TRMT11: variants seen among roughly 807,000 people sequenced by gnomAD.
TRMT11 encodes tRNA methyltransferase 11.
In TRMT11, 53 loss-of-function variants were observed where a neutral mutation model predicts 62.8. That is an observed-to-expected ratio of 0.84 (90% confidence interval 0.68 to 1.06). The LOEUF (loss-of-function observed/expected upper bound fraction) is 1.06, where lower values mean the gene tolerates loss of function less well. Among genes scored for constraint, TRMT11 ranks in the 50% least tolerant of loss-of-function variants. The probability of loss-of-function intolerance (pLI) is 0.00; values close to 1 mark genes in which losing one functional copy is unlikely to be tolerated. For missense variants in TRMT11, 556 were observed against 553.4 expected (o/e 1.00, Z -0.05); for synonymous variants, 188 against 190.3 (o/e 0.99, Z 0.10).
At chr6:126,099,285 C>T (rs1344601180) in intron 17 of TRMT11, among the ~76,000 whole-genome samples, 2 of 152,218 alleles carry the variant, frequency 1.3e-5, no homozygotes, top group Non-Finnish European at 2.9e-5. Context: ...TTTGCTTTCA[C>T]TTACACATTC....
intron 8 of TRMT11, among the ~76,000 whole-genome samples, chr6:126,009,832 A>G (rs1031423603): frequency 6.6e-6 from 1 of 152,074 alleles, no homozygotes; most frequent in Non-Finnish European, 1.5e-5. Context: ...TATATAATTT[A>G]CTTGAATTTT....
intron 17 of TRMT11, among the ~76,000 whole-genome samples, chr6:126,054,717 G>A (rs749997948): frequency 2.0e-5 from 3 of 152,166 alleles, no homozygotes; most frequent in Non-Finnish European, 2.9e-5. Context: ...TTAAAATCTG[G>A]TGATATACAT....
chr6:126,118,169 C>G (rs1322062053), intron 21 of TRMT11, among the ~76,000 whole-genome samples: 3 of 152,108 alleles, frequency 2.0e-5, no homozygotes, highest in Non-Finnish European at 4.4e-5. Context: ...GATGCAGCAG[C>G]TGTAGCACCT....
rs1176034739 is a variant in TRMT11, at chr6:126,038,788, T to C, written c.1344T>C (p.Ser448=). 8.1e-6 allele frequency: 13 copies of C among 1,606,104 alleles called. No homozygotes were observed. The East Asian group carries it at 1.8e-4, about 22-fold the overall frequency. ...ATTCCTTCCGTGAGAAATATTTTAG[T>C]GGGGTAACAAAAAGAATTGCCAAGG... ...GHNSFREKYF[S]GVTKRIAKEE... Residue 448 remains serine, a synonymous_variant, in exon 13 of 13, where the codon AGT becomes AGC. Coordinates refer to ENST00000334379, the MANE Select transcript of TRMT11 (RefSeq NM_001031712.3).
At chr6:126,128,782 T>C (rs1327742221) in intron 21 of TRMT11, among the ~76,000 whole-genome samples, 1 of 152,100 alleles carries the variant, frequency 6.6e-6, no homozygotes, top group Admixed American at 6.6e-5. Context: ...ATATCCCATG[T>C]GATATTGTGA....
intron 1 of TRMT11, among the ~76,000 whole-genome samples, chr6:126,182,958 G>C (rs866702630): frequency 1.6e-4 from 24 of 151,970 alleles, no homozygotes; most frequent in African/African-American, 5.3e-4. Context: ...ATTTCAACTG[G>C]GGCTGTTGGA....
intron 12 of TRMT11, 95 bp downstream of exon 12, chr6:126,021,375 T>C: frequency 7.1e-7 from 1 of 1,401,506 alleles, no homozygotes; most frequent in Non-Finnish European, 9.7e-7. Flanking sequence ...GAAATGTTAT[T>C]CCTTGATATT....
chr6:126,248,166 T>G, the TRMT11 span, among the ~76,000 whole-genome samples: 1 of 152,120 alleles, frequency 6.6e-6, no homozygotes, highest in African/African-American at 2.4e-5. Context: ...TAGAAAATGT[T>G]ACTACTCATT....
At chr6:126,055,321 A>T (rs192489107) in intron 17 of TRMT11, among the ~76,000 whole-genome samples, 2 of 152,298 alleles carry the variant, frequency 1.3e-5, no homozygotes, top group Admixed American at 1.3e-4. Flanking sequence ...ACAGCATGGA[A>T]TCCTCTAGCC....
At chr6:126,034,386 T>C (rs1019488963) in intron 12 of TRMT11, among the ~76,000 whole-genome samples, 2 of 152,186 alleles carry the variant, frequency 1.3e-5, no homozygotes, top group African/African-American at 4.8e-5. Context: ...GTATTTCTTA[T>C]AATGTTTACA....
chr6:125,990,542 C>T (rs962353576), intron 1 of TRMT11, among the ~76,000 whole-genome samples: 1 of 152,166 alleles, frequency 6.6e-6, no homozygotes, highest in Non-Finnish European at 1.5e-5. Context: ...GAAAAAGTGG[C>T]TCCACCTTGG....
intron 17 of TRMT11, among the ~76,000 whole-genome samples, chr6:126,110,120 A>C (rs753961989): frequency 1.3e-5 from 2 of 152,166 alleles, no homozygotes; most frequent in Non-Finnish European, 2.9e-5. Context: ...TAAAGACCTG[A>C]GACTCTTAAT....
intron 17 of TRMT11, among the ~76,000 whole-genome samples, chr6:126,099,526 C>T (rs539555765): frequency 3.9e-5 from 6 of 152,138 alleles, no homozygotes; most frequent in Non-Finnish European, 8.8e-5. Context: ...ATCCCTCTAC[C>T]TTCCGAGGTC....
intron 21 of TRMT11, among the ~76,000 whole-genome samples, chr6:126,171,169 A>G (rs1360692857): frequency 6.6e-6 from 1 of 152,200 alleles, no homozygotes; most frequent in African/African-American, 2.4e-5. Flanking sequence ...TGGGGAGGCC[A>G]TAACTGGGGA....
chr6:126,100,879 C>T (rs542227677), intron 17 of TRMT11, among the ~76,000 whole-genome samples: 1 of 152,230 alleles, frequency 6.6e-6, no homozygotes, highest in South Asian at 2.1e-4. Flanking sequence ...CTAGACAGGT[C>T]TCCTGTGGGG....
chr6:126,026,614 T>C (rs1472974157), intron 12 of TRMT11, among the ~76,000 whole-genome samples: 1 of 151,988 alleles, frequency 6.6e-6, no homozygotes, highest in Admixed American at 6.6e-5. Context: ...CTCGATCTCC[T>C]AACCTCGTGA....
At chr6:126,059,045 C>CTTT (rs1036996695) in intron 17 of TRMT11, among the ~76,000 whole-genome samples, 48 of 128,120 alleles carry the variant, frequency 3.7e-4, no homozygotes, top group Middle Eastern at 4.0e-3. Context: ...CTCTACTTAT[C>CTTT]TTTTTTTTTT....
chr6:126,018,997 C>A (rs1242038166), intron 11 of TRMT11, among the ~76,000 whole-genome samples: 1 of 152,162 alleles, frequency 6.6e-6, no homozygotes, highest in Non-Finnish European at 1.5e-5. Flanking sequence ...TCTCCTGCCT[C>A]AGCCTCCCAA....
At chr6:126,073,477 G>T (rs1045759856) in intron 17 of TRMT11, among the ~76,000 whole-genome samples, 10 of 151,830 alleles carry the variant, frequency 6.6e-5, no homozygotes, top group Admixed American at 6.6e-4. Flanking sequence ...ACTTAATGGA[G>T]TCCGTTAATG....
Sources: gnomAD v4.1 joint callset for allele counts (sites outside exome capture counted in the v4.1 genomes callset) on GRCh38, gnomAD v4.1.1 for gene constraint, MANE v1.5 for transcripts, NCBI Gene and HGNC (gene_info 2026-07-23, HGNC 2026-07-21) for gene names.